Variants in ELAPOR2 observed in about 807,000 individuals in gnomAD.
The protein encoded by ELAPOR2 is endosome/lysosome-associated apoptosis and autophagy regulator family member 2.
Under a neutral mutation model 120.7 loss-of-function variants are expected in ELAPOR2, and 89 were observed. The ratio of observed to expected loss-of-function variants is 0.74; its 90% CI spans 0.62 to 0.88. ELAPOR2 has a LOEUF of 0.88. Among genes scored for constraint, ELAPOR2 ranks in the 40% least tolerant of loss-of-function variants. The pLI is 0.00. For synonymous variants in ELAPOR2, 444 were observed against 444.9 expected (o/e 1.00, Z 0.03); for missense variants, 1,134 against 1,251.6 (o/e 0.91, Z 1.42).
chr7:86,918,634 GC>G lies in ELAPOR2; in HGVS notation c.1491-91del, dbSNP rs1274046794. The stretch of plus-strand genomic sequence containing the variant: ...AGCCACTATTTTTATTAAACTAAAA[GC>G]CATGCTCTTCTCTTCCTCTAATCTA... On this transcript the variant is annotated intron_variant, in intron 11 of 21. Transcript: ENST00000450689. 1.9e-4 allele frequency: 153 copies of G among 799,962 alleles called. 3 individuals are homozygous for G. The South Asian group carries it at 2.4e-3, about 13-fold the overall frequency. The allele number at this position is 799,962 out of a possible 1,614,324, so 49.6% of individuals were successfully genotyped here.
intron 1 of ELAPOR2, among the ~76,000 whole-genome samples, chr7:87,028,893 G>A (rs1003862566): frequency 3.3e-5 from 5 of 152,088 alleles, no homozygotes; most frequent in Non-Finnish European, 7.4e-5. Flanking sequence ...AAGCCACAGG[G>A]GGTCACTCTC....
chr7:86,921,313 G>A (rs1489311737), intron 10 of ELAPOR2, among the ~76,000 whole-genome samples: 1 of 152,016 alleles, frequency 6.6e-6, no homozygotes, highest in East Asian at 1.9e-4. Context: ...CAAAATGACT[G>A]GTGTCCTTAT....
chr7:86,987,971 G>C (rs1255878494), intron 1 of ELAPOR2, among the ~76,000 whole-genome samples: 1 of 152,102 alleles, frequency 6.6e-6, no homozygotes, highest in Non-Finnish European at 1.5e-5. Context: ...TGATAGACTG[G>C]ATTAAGAAAA....
At chr7:87,000,655 C>T (rs1363528572) in intron 1 of ELAPOR2, among the ~76,000 whole-genome samples, 3 of 152,168 alleles carry the variant, frequency 2.0e-5, no homozygotes, top group Non-Finnish European at 2.9e-5. Flanking sequence ...CACATGCTGG[C>T]TTCACATCAC....
At chr7:86,949,151 C>T (rs1211807398) in intron 2 of ELAPOR2, among the ~76,000 whole-genome samples, 2 of 152,064 alleles carry the variant, frequency 1.3e-5, no homozygotes, top group Non-Finnish European at 2.9e-5. Flanking sequence ...AATCAACATC[C>T]CCAAATCAGT....
intron 1 of ELAPOR2, among the ~76,000 whole-genome samples, chr7:87,051,314 A>C (rs897006499): frequency 6.6e-6 from 1 of 152,230 alleles, no homozygotes; most frequent in Non-Finnish European, 1.5e-5. Context: ...CAGTGATGAC[A>C]GAACAATCAA....
At chr7:87,022,191 T>C (rs1794065399) in intron 1 of ELAPOR2, among the ~76,000 whole-genome samples, 2 of 151,750 alleles carry the variant, frequency 1.3e-5, no homozygotes, top group Admixed American at 6.6e-5. Context: ...AACTCGTCAT[T>C]TAACATTAGT....
intron 1 of ELAPOR2, among the ~76,000 whole-genome samples, chr7:87,056,137 G>A (rs1315305639): frequency 6.6e-6 from 1 of 152,056 alleles, no homozygotes; most frequent in Admixed American, 6.5e-5. Flanking sequence ...GCCAAGTCTT[G>A]GATGGGCCTA....
At chr7:87,007,961 A>G (rs993053381) in intron 1 of ELAPOR2, among the ~76,000 whole-genome samples, 2 of 152,242 alleles carry the variant, frequency 1.3e-5, no homozygotes, top group African/African-American at 4.8e-5. Context: ...GAAACCCATT[A>G]AAGGGTTGCC....
intron 1 of ELAPOR2, among the ~76,000 whole-genome samples, chr7:86,990,721 AAC>A (rs1277849533): frequency 6.6e-6 from 1 of 152,200 alleles, no homozygotes; most frequent in Non-Finnish European, 1.5e-5. Context: ...GAGCACACAG[AAC>A]AAACAGCAAA....
chr7:86,899,097 A>T (rs372273033), intron 18 of ELAPOR2, among the ~76,000 whole-genome samples: 98 of 152,292 alleles, frequency 6.4e-4, no homozygotes, highest in African/African-American at 2.3e-3. Context: ...CAGGGATAGG[A>T]TCACGAAGAA....
At chr7:86,960,843 G>A (rs940711962) in intron 2 of ELAPOR2, among the ~76,000 whole-genome samples, 1 of 151,536 alleles carries the variant, frequency 6.6e-6, no homozygotes, top group African/African-American at 2.4e-5. Context: ...ATTTCTTAAC[G>A]TCCATTAAAT....
chr7:86,984,201 TA>T (rs1295719366), intron 1 of ELAPOR2, among the ~76,000 whole-genome samples: 2 of 151,636 alleles, frequency 1.3e-5, no homozygotes, highest in East Asian at 3.9e-4. Context: ...CTTAGAAACT[TA>T]AAAAAAAGAC....
At chr7:86,954,878 G>A (rs556755976) in intron 2 of ELAPOR2, among the ~76,000 whole-genome samples, 14 of 152,014 alleles carry the variant, frequency 9.2e-5, no homozygotes, top group East Asian at 5.8e-4. Context: ...TTCTTATATC[G>A]ACGACACGCT....
Position 86,944,899 on chromosome 7 carries a change from A to C in ELAPOR2, c.654T>G (p.Phe218Leu). 1 of 1,537,936 alleles carries C rather than the reference A, an allele frequency of 6.5e-7. No homozygotes were observed. The highest frequency in any genetic ancestry group is 2.2e-5 in the Admixed American group (1 of 46,444). The change falls in exon 4 of 22, where the codon TTT becomes TTG. Residue 218 changes from phenylalanine to leucine, a missense_variant and splice_region_variant. This residue lies in a region of ELAPOR2 where 280 missense variants were observed against 331.5 expected (regional missense o/e 0.84). Coordinates refer to ENST00000450689, the MANE Select transcript of ELAPOR2 (RefSeq NM_001142749.3). ...YVDNNIFFEF[F>L]IQNDQCQEMD... ...AATTCCAGAATACAAAAGGTCTTAC[A>C]AAGAACTCAAAGAAGATGTTGTTGT...
intron 19 of ELAPOR2, among the ~76,000 whole-genome samples, chr7:86,893,413 A>G (rs1788277811): frequency 6.6e-6 from 1 of 152,054 alleles, no homozygotes; most frequent in South Asian, 2.1e-4. Flanking sequence ...GGTTGAATAA[A>G]AATGGCTCCA....
intron 2 of ELAPOR2, among the ~76,000 whole-genome samples, chr7:86,958,547 G>A (rs572320215): frequency 1.1e-4 from 16 of 152,240 alleles, no homozygotes; most frequent in South Asian, 4.1e-4. Context: ...GAGAGCAGCC[G>A]GCCGATTGAG....
intron 1 of ELAPOR2, among the ~76,000 whole-genome samples, chr7:87,022,851 G>C (rs887776191): frequency 1.4e-4 from 21 of 151,814 alleles, no homozygotes; most frequent in Non-Finnish European, 2.8e-4. Context: ...ATTTTTTCAT[G>C]TGTTTTTTGG....
chr7:86,941,387 T>C (rs1248388226), intron 5 of ELAPOR2: 1 of 529,884 alleles, frequency 1.9e-6, no homozygotes, highest in East Asian at 5.5e-5. Context: ...GGAGCTGTCC[T>C]GTAAGGAAGC....
Sources: gnomAD v4.1 joint callset for allele counts (sites outside exome capture counted in the v4.1 genomes callset) on GRCh38, gnomAD v4.1.1 for gene constraint, gnomAD v4.1.1 regional missense constraint, MANE v1.5 for transcripts, NCBI Gene and HGNC (gene_info 2026-07-23, HGNC 2026-07-21) for gene names.